Variants in EMILIN1 observed in about 807,000 individuals in gnomAD.
EMILIN1 encodes the protein elastin microfibril interfacer 1, also known as EMILIN-1.
Under a neutral mutation model 82.4 loss-of-function variants are expected in EMILIN1, and 49 were observed. The observed-to-expected ratio is 0.59, with a 90% CI of 0.47 to 0.75. The LOEUF is 0.75. Ranked by LOEUF, EMILIN1 falls within the 30% of genes least tolerant of loss-of-function variation. EMILIN1 has a pLI of 0.00. For missense variants in EMILIN1, 1,313 were observed against 1,366.4 expected (o/e 0.96, Z 0.62); for synonymous variants, 604 against 602.2 (o/e 1.00, Z -0.04).
At chr2:27,081,648 C>A (rs1357040553) in intron 3 of EMILIN1, among the ~76,000 whole-genome samples, 4 of 152,188 alleles carry the variant, frequency 2.6e-5, no homozygotes, top group Non-Finnish European at 5.9e-5. Flanking sequence ...TTGACAGCCC[C>A]ATGACAGAAG....
rs1351795324 is a variant in EMILIN1, at chr2:27,082,563, C to A, written c.992C>A (p.Ala331Asp). 2 of 1,542,484 alleles carry A rather than the reference C, an allele frequency of 1.3e-6. No homozygotes were observed. Among genetic ancestry groups the A allele is most frequent in the Non-Finnish European group, 8.7e-7 (1 of 1,144,590 alleles). The part of the protein sequence containing the change: ...ERLRAMEKLL[A>D]SVEERQRHLA... ...CTGCGAGCGATGGAGAAGCTGCTGG[C>A]CTCGGTGGAGGAGCGGCAACGGCAC... Residue 331 changes from alanine (A) to aspartate (D), a missense_variant, in exon 4 of 8, where the codon GCC becomes GAC. By Grantham distance (126) the Ala-to-Asp change is moderately radical (BLOSUM62 -2). Transcript: ENST00000380320.
chr2:27,081,970 CA>C, intron 3 of EMILIN1, 112 bp from the exon 4 acceptor site: 1 of 1,337,202 alleles, frequency 7.5e-7, no homozygotes, highest in Non-Finnish European at 1.0e-6. Context: ...CAAAATCACC[CA>C]AAGGAGAGGC....
In EMILIN1 at chr2:27,080,848, C is replaced by T. The variant is rs751650342; in HGVS notation, c.407C>T (p.Ala136Val). Residue 136 changes from alanine (A) to valine (V), a missense_variant, in exon 3 of 8, where the codon GCG becomes GTG. Coordinates refer to ENST00000380320, the MANE Select transcript of EMILIN1 (RefSeq NM_007046.4). The stretch of plus-strand genomic sequence containing the variant: ...GACTGTGCTGAGAGTCCCGCTCCAG[C>T]GCTGGGGCCTGCGTCTTCCACACCA... ...GDDCAESPAP[A>V]LGPASSTPRP... The T allele has an allele frequency of 2.2e-5, 36 of 1,612,122 alleles. No individual in the cohort carries two copies. In the African/African-American group the frequency reaches 2.4e-4, roughly 11 times the overall value.
In EMILIN1 at chr2:27,085,924, TGG is replaced by T. The variant is rs1460345497; in HGVS notation, c.2961_2962del (p.Val988HisfsTer26). ...GCCGGGGACACGGTCTGCGTCGACC[TGG>T]TCATGGGGCAGCTGGCGCACTCGGA... On this transcript the variant is annotated frameshift_variant, in exon 8 of 8. Coordinates refer to ENST00000380320, the MANE Select transcript of EMILIN1 (RefSeq NM_007046.4). LOFTEE classifies it high-confidence loss of function. 42 of 1,544,384 alleles carry T rather than the reference TGG, an allele frequency of 2.7e-5. No homozygotes were observed. Among genetic ancestry groups the T allele is most frequent in the Admixed American group, 1.4e-4 (7 of 51,722 alleles).
chr2:27,079,037 C>T lies in EMILIN1; in HGVS notation c.-29C>T. On this transcript the variant is annotated 5_prime_UTR_variant, in exon 1 of 8. Coordinates refer to ENST00000380320, the MANE Select transcript of EMILIN1 (RefSeq NM_007046.4). ...GCGCCAGTGGCTGGGCGGGATGAGT[C>T]TCTGAGGGCCACTGTGGAGCGCCCC... 8.6e-6 allele frequency: 13 copies of T among 1,508,598 alleles called. No homozygotes were observed. Among genetic ancestry groups the T allele is most frequent in the Non-Finnish European group, 1.1e-5 (13 of 1,131,662 alleles). 93.5% of individuals were successfully genotyped at this position (1,508,598 alleles called of 1,614,324 possible). A position where few individuals can be genotyped will look rare whatever the true frequency, so the allele number is the denominator to read the frequency against.
intron 4 of EMILIN1, 99 bp from the exon 5 acceptor site, chr2:27,084,316 C>A: frequency 1.3e-6 from 1 of 766,166 alleles, no homozygotes; most frequent in Non-Finnish European, 2.2e-6. Context: ...TCCACCTGTT[C>A]CATCCATCTT....
chr2:27,086,011 C>G lies in EMILIN1; in HGVS notation c.3047C>G (p.Ala1016Gly), dbSNP rs1314721034. The change falls in exon 8 of 8, where the codon GCG becomes GGG. Residue 1016 changes from alanine (A) to glycine (G), a missense_variant. Transcript: ENST00000380320. The part of the protein sequence containing the change: ...LLYGDPELEH[A>G] ...TATGGGGACCCAGAGCTTGAACACG[C>G]GTAGACTGGGGTCCCGCCCGACGTG... The G allele has an allele frequency of 9.7e-6, 14 of 1,443,484 alleles. No homozygotes were observed. Among genetic ancestry groups the G allele is most frequent in the East Asian group, 5.0e-5 (2 of 39,712 alleles). 89.4% of individuals were successfully genotyped at this position (1,443,484 alleles called of 1,614,324 possible). A position where few individuals can be genotyped will look rare whatever the true frequency, so the allele number is the denominator to read the frequency against.
rs1443447158 is a variant in EMILIN1, at chr2:27,082,067, C to T, written c.512-16C>T. 2 of 1,593,624 alleles carry T rather than the reference C, an allele frequency of 1.3e-6. No individual in the cohort carries two copies. Among genetic ancestry groups the T allele is most frequent in the Non-Finnish European group, 8.6e-7 (1 of 1,168,756 alleles). On this transcript the variant is annotated splice_polypyrimidine_tract_variant and intron_variant, in intron 3 of 7. Transcript: ENST00000380320. ...GGGGTCCAGCCCCTCTGCCTTCTGC[C>T]TTCCCCTCTCCTCAGGTCCTGGGGA... is the stretch of plus-strand genomic sequence containing the variant.
At position 27,085,270 on chromosome 2, in the gene EMILIN1, G is replaced by GA; in HGVS notation, c.2687dup (p.Asp896GlufsTer6). On this transcript the variant is annotated frameshift_variant, in exon 7 of 8. Transcript: ENST00000380320. LOFTEE classifies it high-confidence loss of function. ...CCCCTTCGACAGAGTCCTGCTCAAT[G>GA]ATGGAGGCTATTATGATCCAGAGAC... is the stretch of plus-strand genomic sequence containing the variant. 6.2e-7 allele frequency: 1 copy of GA among 1,614,114 alleles called. No individual in the cohort carries two copies. The highest frequency in any genetic ancestry group is 2.2e-5 in the East Asian group (1 of 44,884).
At position 27,082,635 on chromosome 2, in the gene EMILIN1, C is replaced by G. The variant is rs1357851049; in HGVS notation, c.1064C>G (p.Ser355Cys). ...CGCAGGCCCCCTCAGGAATGCTGCT[C>G]TCCAGAGCTGGGCCGGCGACTGGCA... ...VGRRPPQECC[S>C]PELGRRLAEL... The change falls in exon 4 of 8, where the codon TCT (serine) becomes TGT (cysteine). Residue 355 changes from serine (S) to cysteine (C), a missense_variant. Physicochemically the swap from Ser to Cys is moderately radical, Grantham distance 112. Coordinates refer to ENST00000380320, the MANE Select transcript of EMILIN1 (RefSeq NM_007046.4). 1.3e-6 allele frequency: 2 copies of G among 1,546,300 alleles called. No homozygotes were observed. The highest frequency in any genetic ancestry group is 1.7e-6 in the Non-Finnish European group (2 of 1,148,234).
rs775777386 is a variant in EMILIN1, at chr2:27,082,923, G to A, written c.1352G>A (p.Gly451Glu). The change falls in exon 4 of 8, where the codon GGG becomes GAG. Residue 451 changes from glycine to glutamate, a missense_variant. By Grantham distance (98) the Gly-to-Glu change is moderately conservative. Transcript: ENST00000380320. ...AARGRLEQLG[G>E]LLANVSGELG... ...CGGGGCCGACTAGAGCAGTTGGGGG[G>A]GCTGCTGGCCAATGTGAGCGGGGAG... The A allele has an allele frequency of 3.6e-5, 57 of 1,595,888 alleles. No homozygotes were observed. Among genetic ancestry groups the A allele is most frequent in the African/African-American group, 1.5e-4 (11 of 74,580 alleles).
rs774272846 is a variant in EMILIN1, at chr2:27,082,370, GGCA to G, written c.810_812del (p.Ser271del). On this transcript the variant is annotated inframe_deletion, in exon 4 of 8. Coordinates refer to ENST00000380320, the MANE Select transcript of EMILIN1 (RefSeq NM_007046.4). ...GGGTCACCTCAACAACCATCATGGCGGCAGCAGCAGCAGTGGGGGCAGCAGGGC... is the reference window on the plus strand; with the variant it reads ...GGGTCACCTCAACAACCATCATGGCGGCAGCAGCAGTGGGGGCAGCAGGGC... The G allele has an allele frequency of 1.2e-6, 2 of 1,611,290 alleles. No individual in the cohort carries two copies. Among genetic ancestry groups the G allele is most frequent in the Non-Finnish European group, 8.5e-7 (1 of 1,179,488 alleles).
Position 27,084,426 on chromosome 2 carries a change from G to C in EMILIN1, c.2452G>C (p.Glu818Gln). 8.1e-6 allele frequency: 13 copies of C among 1,606,634 alleles called. No individual in the cohort carries two copies. Among genetic ancestry groups the C allele is most frequent in the Non-Finnish European group, 1.1e-5 (13 of 1,175,486 alleles). Residue 818 changes from glutamate to glutamine, a missense_variant, in exon 5 of 8, where the codon GAG becomes CAG. Coordinates refer to ENST00000380320, the MANE Select transcript of EMILIN1 (RefSeq NM_007046.4). The part of the protein sequence containing the change: ...SLKDLTGPAG[E>Q]AGPPGPPGLQ... ...TTTTGTCACTGTAGGGCCTGCAGGA[G>C]AGGCTGGGCCCCCAGGGCCTCCTGG...
In EMILIN1 at chr2:27,082,965, A is replaced by G; in HGVS notation, c.1394A>G (p.Asp465Gly). ...NVSGELGGRL[D>G]LLEEQVAGAM... ...AGCGGGGAGCTGGGGGGGCGGTTGG[A>G]TCTGTTGGAGGAGCAGGTGGCAGGG... Residue 465 changes from aspartate (D) to glycine (G), a missense_variant, in exon 4 of 8, where the codon GAT (aspartate) becomes GGT (glycine). Physicochemically the swap from Asp to Gly is moderately conservative, Grantham distance 94. Coordinates refer to ENST00000380320, the MANE Select transcript of EMILIN1 (RefSeq NM_007046.4). The G allele has an allele frequency of 6.3e-7, 1 of 1,585,136 alleles. No individual in the cohort carries two copies.
chr2:27,085,854 A>G lies in EMILIN1; in HGVS notation c.2890A>G (p.Ser964Gly). ...TAAGCCGGTGGCCGAGAGCCAGCCC[A>G]GCCCGGGCACCCTGGGCGTCTTCAG... The part of the protein sequence containing the change: ...ENKPVAESQP[S>G]PGTLGVFSLI... Residue 964 changes from serine (S) to glycine (G), a missense_variant, in exon 8 of 8, where the codon AGC (serine) becomes GGC (glycine). Ser to Gly is a moderately conservative substitution (Grantham distance 56, BLOSUM62 0). Transcript: ENST00000380320. 2 of 1,606,344 alleles carry G rather than the reference A, an allele frequency of 1.2e-6. No homozygotes were observed. Among genetic ancestry groups the G allele is most frequent in the Non-Finnish European group, 1.7e-6 (2 of 1,176,530 alleles).
chr2:27,085,446 G>A (rs1480305189), intron 7 of EMILIN1, 149 bp downstream of exon 7: 56 of 1,052,698 alleles, frequency 5.3e-5, no homozygotes, highest in Non-Finnish European at 7.5e-5. Context: ...TCATTCTCAG[G>A]CAGTGGGGAG....
intron 4 of EMILIN1, 24 bp downstream of exon 4, chr2:27,084,035 G>A (rs369453607): frequency 1.5e-4 from 211 of 1,451,044 alleles, no homozygotes; most frequent in Non-Finnish European, 1.7e-4. Flanking sequence ...AGGCATGAGG[G>A]GACCCCTTTC....
intron 3 of EMILIN1, among the ~76,000 whole-genome samples, chr2:27,081,162 T>C (rs1008422757): frequency 1.3e-5 from 2 of 151,532 alleles, no homozygotes; most frequent in Non-Finnish European, 2.9e-5. Context: ...TGTGTGTCTG[T>C]GTGAGAGAGA....
rs781205651 is a variant in EMILIN1 at position 27,082,138 on chromosome 2, C to T, written c.567C>T (p.Thr189=). 2.2e-5 allele frequency: 35 copies of T among 1,613,604 alleles called. No individual in the cohort carries two copies. Among genetic ancestry groups the T allele is most frequent in the Non-Finnish European group, 2.8e-5 (33 of 1,179,984 alleles). The change falls in exon 4 of 8, where the codon ACC becomes ACT. Residue 189 remains threonine, a synonymous_variant. Coordinates refer to ENST00000380320, the MANE Select transcript of EMILIN1 (RefSeq NM_007046.4). ...QQLEEQVQSL[T]KELQGLRGVL... The stretch of plus-strand genomic sequence containing the variant: ...TGGAGGAACAGGTGCAGAGCCTGAC[C>T]AAGGAGCTGCAAGGCCTGCGGGGCG...
Sources: gnomAD v4.1 joint callset for allele counts (sites outside exome capture counted in the v4.1 genomes callset) on GRCh38, gnomAD v4.1.1 for gene constraint, MANE v1.5 for transcripts, NCBI Gene and HGNC (gene_info 2026-07-23, HGNC 2026-07-21) for gene names.